The following CCDC32 variants were observed in gnomAD, a reference collection of about 807,000 sequenced individuals.
CCDC32 encodes coiled-coil domain containing 32.
Under a neutral mutation model 20.1 loss-of-function variants are expected in CCDC32, and 9 were observed. The observed-to-expected ratio is 0.45, with a 90% CI of 0.27 to 0.78. The LOEUF is 0.78. Ranked by LOEUF, CCDC32 falls within the 30% of genes least tolerant of loss-of-function variation. CCDC32 has a pLI of 0.16. For synonymous variants in CCDC32, 63 were observed against 79.0 expected (o/e 0.80, Z 1.07); for missense variants, 204 against 215.5 (o/e 0.95, Z 0.33).
At chr15:40,535,207 G>T, downstream of CCDC32, 1 of 1,405,696 alleles carries the variant, frequency 7.1e-7, no homozygotes, top group Non-Finnish European at 9.3e-7. Context: ...AGAATGCAGA[G>T]GTGGGGAGGC....
intron 3 of CCDC32, among the ~76,000 whole-genome samples, chr15:40,545,467 G>GA (rs1889579698): frequency 2.4e-5 from 1 of 41,566 alleles, no homozygotes; most frequent in Non-Finnish European, 7.2e-5. Context: ...TTTGGGAAAA[G>GA]AAAACCTTTA....
In CCDC32 at chr15:40,542,098, C is replaced by G. The variant is rs575369350; in HGVS notation, c.402-2743G>C. Among the ~76,000 whole-genome samples, 32 of 152,330 alleles carry G rather than the reference C, an allele frequency of 2.1e-4. 1 individual carries two copies. The highest frequency in any genetic ancestry group is 7.2e-4 in the African/African-American group (30 of 41,584). ...CTTAGGGGTGACCTGATCCAACTTT[C>G]TACACAATGCAGGAATCCCCTTTAC... is the stretch of plus-strand genomic sequence containing the variant. On this transcript the variant is annotated intron_variant, in intron 3 of 3. Transcript: ENST00000558113.
At chr15:40,546,658 T>C (rs1484221203) in intron 3 of CCDC32, among the ~76,000 whole-genome samples, 1 of 152,008 alleles carries the variant, frequency 6.6e-6, no homozygotes, top group Admixed American at 6.6e-5. Context: ...TGATTCATCT[T>C]CTGATAATGG....
chr15:40,557,083 G>T, intron 3 of CCDC32, 133 bp downstream of exon 3: 2 of 983,714 alleles, frequency 2.0e-6, no homozygotes, highest in Non-Finnish European at 1.5e-6. Flanking sequence ...TTCAATCTGT[G>T]ACCAACACGT....
chr15:40,521,460 G>C, the CCDC32 span, among the ~76,000 whole-genome samples: 1 of 152,006 alleles, frequency 6.6e-6, no homozygotes, highest in Non-Finnish European at 1.5e-5. Flanking sequence ...ATGGATATTT[G>C]GGTTATTTCC....
chr15:40,555,771 T>C (rs547606143), intron 3 of CCDC32, among the ~76,000 whole-genome samples: 30 of 152,222 alleles, frequency 2.0e-4, no homozygotes, highest in Non-Finnish European at 3.7e-4. Context: ...GCAGCAGTAC[T>C]TCTTCTGATA....
At chr15:40,561,185 G>A (rs940782244) in intron 2 of CCDC32, among the ~76,000 whole-genome samples, 49 of 152,044 alleles carry the variant, frequency 3.2e-4, no homozygotes, top group Admixed American at 2.6e-3. Flanking sequence ...TATACAAAGT[G>A]GTATATTGGC....
downstream of CCDC32, among the ~76,000 whole-genome samples, chr15:40,552,253 G>A (rs1260259231): frequency 6.6e-6 from 1 of 151,874 alleles, no homozygotes; most frequent in Admixed American, 6.6e-5. Flanking sequence ...AGGCTGAGGC[G>A]GGCAGATCAC....
the CCDC32 span, among the ~76,000 whole-genome samples, chr15:40,521,044 T>C: frequency 1.2e-4 from 18 of 152,208 alleles, no homozygotes; most frequent in Non-Finnish European, 2.4e-4. Context: ...TGGATCATCA[T>C]AAAGATCTTC....
chr15:40,546,632 G>A (rs1045616895), intron 3 of CCDC32, among the ~76,000 whole-genome samples: 2 of 151,876 alleles, frequency 1.3e-5, no homozygotes, highest in African/African-American at 4.8e-5. Context: ...TGTGTCATTT[G>A]TGAGTCTGGT....
At chr15:40,548,175 A>C (rs570369576), downstream of CCDC32, among the ~76,000 whole-genome samples, 1 of 152,268 alleles carries the variant, frequency 6.6e-6, no homozygotes, top group Admixed American at 6.5e-5. Context: ...TGGGCTCAAG[A>C]AAAGTTATGA....
downstream of CCDC32, chr15:40,535,101 G>C (rs866602491): frequency 6.4e-5 from 56 of 877,476 alleles, no homozygotes; most frequent in Middle Eastern, 9.9e-4. Flanking sequence ...TCCAGGCTCT[G>C]TGCAGTCAGC....
At chr15:40,551,954 A>T (rs1889895601), downstream of CCDC32, among the ~76,000 whole-genome samples, 1 of 152,048 alleles carries the variant, frequency 6.6e-6, no homozygotes, top group African/African-American at 2.4e-5. Context: ...GAGGTTCGAG[A>T]CTAACCTGGG....
At chr15:40,524,851 T>G (rs1894881263), downstream of CCDC32, among the ~76,000 whole-genome samples, 1 of 148,698 alleles carries the variant, frequency 6.7e-6, no homozygotes, top group East Asian at 2.0e-4. Context: ...CTCAGCCTCC[T>G]GTGTAGCTAT....
downstream of CCDC32, among the ~76,000 whole-genome samples, chr15:40,524,987 C>T (rs1372972212): frequency 6.6e-6 from 1 of 151,206 alleles, no homozygotes; most frequent in South Asian, 2.1e-4. Flanking sequence ...CTCAGCTTCC[C>T]AAAGTGCTGG....
chr15:40,525,250 G>A (rs942590160), downstream of CCDC32, among the ~76,000 whole-genome samples: 1 of 152,114 alleles, frequency 6.6e-6, no homozygotes, highest in Middle Eastern at 3.4e-3. Flanking sequence ...GGCTGGTCTC[G>A]AACTCCTGAC....
Position 40,560,463 on chromosome 15 carries a change from A to C in CCDC32, c.244+2309T>G, listed in dbSNP as rs188601625. ...GAATGGGAGAAAGTATTTGCAAACT[A>C]TGTATCTAACAAAGGACTAATATCC... On this transcript the variant is annotated intron_variant, in intron 2 of 3. Transcript: ENST00000416810. 2.0e-4 allele frequency among the ~76,000 whole-genome samples: 30 copies of C among 152,384 alleles called. 1 individual carries two copies. Among genetic ancestry groups the C allele is most frequent in the African/African-American group, 7.2e-4 (30 of 41,586 alleles).
At chr15:40,542,737 C>T (rs1177279145) in intron 3 of CCDC32, among the ~76,000 whole-genome samples, 1 of 151,954 alleles carries the variant, frequency 6.6e-6, no homozygotes, top group African/African-American at 2.4e-5. Context: ...GGCATGGTGG[C>T]AGGCACCTGT....
intron 3 of CCDC32, 34 bp downstream of exon 3, chr15:40,557,182 G>A: frequency 1.3e-6 from 2 of 1,578,942 alleles, no homozygotes; most frequent in South Asian, 2.3e-5. Context: ...CATAAAGGAT[G>A]ATTTCAGCTG....
Sources: allele counts gnomAD v4.1 joint callset (sites outside exome capture counted in the v4.1 genomes callset), GRCh38; gene constraint gnomAD v4.1.1; transcripts MANE v1.5; gene names NCBI Gene and HGNC (gene_info 2026-07-23, HGNC 2026-07-21).